Variants in CTNNA3 observed in about 807,000 individuals in gnomAD.
CTNNA3 encodes catenin alpha-3.
In CTNNA3, 76 loss-of-function variants were observed where a neutral mutation model predicts 95.7. The observed-to-expected ratio is 0.79, with a 90% CI of 0.66 to 0.96. The LOEUF (loss-of-function observed/expected upper bound fraction) is 0.96. Ranked by LOEUF, CTNNA3 falls within the 40% of genes least tolerant of loss-of-function variation. CTNNA3 has a pLI of 0.00. For synonymous variants in CTNNA3, 431 were observed against 374.4 expected (o/e 1.15, Z -1.74); for missense variants, 1,191 against 1,089.8 (o/e 1.09, Z -1.31).
chr10:67,602,450 C>G (rs1192657964), intron 3 of CTNNA3, among the ~76,000 whole-genome samples: 1 of 152,180 alleles, frequency 6.6e-6, no homozygotes, highest in African/African-American at 2.4e-5. Flanking sequence ...GGCGGTAGCT[C>G]ATTTTGGCAG....
Position 66,001,206 on chromosome 10 carries a change from C to G in CTNNA3, c.2160-12409G>C, listed in dbSNP as rs551924491. 9.9e-5 allele frequency among the ~76,000 whole-genome samples: 15 copies of G among 152,132 alleles called. 1 individual carries two copies. In the South Asian group the frequency reaches 1.5e-3, roughly 15 times the overall value. ...TGAAATGGCCCCAGTAGCCTACAGT[C>G]CTGGGGTTTCTTTCTTGAGATATTA... On this transcript the variant is annotated intron_variant, in intron 15 of 17. Coordinates refer to ENST00000433211, the MANE Select transcript of CTNNA3 (RefSeq NM_013266.4).
chr10:67,031,733 T>C (rs1246499411), intron 7 of CTNNA3, among the ~76,000 whole-genome samples: 1 of 152,164 alleles, frequency 6.6e-6, no homozygotes, highest in African/African-American at 2.4e-5. Context: ...TCAAAGATAA[T>C]GTAATTCTTG....
At chr10:66,792,928 T>G (rs977631297) in intron 7 of CTNNA3, among the ~76,000 whole-genome samples, 20 of 152,260 alleles carry the variant, frequency 1.3e-4, no homozygotes, top group African/African-American at 4.6e-4. Flanking sequence ...GGCTTTTTAT[T>G]GGCCAGTAAA....
intron 12 of CTNNA3, among the ~76,000 whole-genome samples, chr10:66,296,461 A>G (rs1192509989): frequency 6.6e-6 from 1 of 152,118 alleles, no homozygotes; most frequent in Non-Finnish European, 1.5e-5. Flanking sequence ...TCTCTTTAAA[A>G]TGGTCATCAT....
chr10:66,675,227 T>C (rs1846808948), intron 9 of CTNNA3, among the ~76,000 whole-genome samples: 1 of 151,886 alleles, frequency 6.6e-6, no homozygotes, highest in Non-Finnish European at 1.5e-5. Flanking sequence ...ACCCGATCCA[T>C]CTGCTGCTGC....
chr10:66,192,826 T>C (rs1241801983), intron 13 of CTNNA3, among the ~76,000 whole-genome samples: 1 of 152,180 alleles, frequency 6.6e-6, no homozygotes, highest in African/African-American at 2.4e-5. Context: ...TTAAGTTCTA[T>C]TTACTTAAAA....
chr10:66,459,811 T>A (rs1441260854), intron 11 of CTNNA3, among the ~76,000 whole-genome samples: 2 of 152,188 alleles, frequency 1.3e-5, no homozygotes, highest in African/African-American at 2.4e-5. Flanking sequence ...AGTTTTATAA[T>A]CTTATGGGAT....
Position 67,534,972 on chromosome 10 carries a change from TA to T in CTNNA3, c.459+4530del, listed in dbSNP as rs1414147678. On this transcript the variant is annotated intron_variant, in intron 4 of 17. Coordinates refer to ENST00000433211, the MANE Select transcript of CTNNA3 (RefSeq NM_013266.4). Reference sequence around the variant, plus strand: ...ATAATTAAGTGGATTATAAGTAATTTAAAAAATGAAGGTCAGAACAAAGGAG... The same window carrying T: ...ATAATTAAGTGGATTATAAGTAATTTAAAAATGAAGGTCAGAACAAAGGAG... Among the ~76,000 whole-genome samples, 3 of 152,194 alleles carry T rather than the reference TA, an allele frequency of 2.0e-5. No individual in the cohort carries two copies. The East Asian group carries it at 5.8e-4, about 29-fold the overall frequency.
chr10:65,987,566 T>G (rs2133322279), intron 16 of CTNNA3, among the ~76,000 whole-genome samples: 1 of 152,246 alleles, frequency 6.6e-6, no homozygotes, highest in Admixed American at 6.5e-5. Flanking sequence ...ACTCATACCC[T>G]GTTGGTAGGA....
intron 13 of CTNNA3, among the ~76,000 whole-genome samples, chr10:66,280,160 T>G (rs1198012312): frequency 6.6e-6 from 1 of 152,078 alleles, no homozygotes; most frequent in Non-Finnish European, 1.5e-5. Context: ...AATTACTTTA[T>G]GTATTTTTCT....
chr10:67,462,716 G>A (rs1246360852), intron 5 of CTNNA3, among the ~76,000 whole-genome samples: 9 of 152,154 alleles, frequency 5.9e-5, no homozygotes, highest in Non-Finnish European at 1.3e-4. Context: ...GTGGTGATCT[G>A]AGAAGGTGAG....
At chr10:66,331,507 C>G (rs955988740) in intron 12 of CTNNA3, among the ~76,000 whole-genome samples, 1 of 151,410 alleles carries the variant, frequency 6.6e-6, no homozygotes, top group Non-Finnish European at 1.5e-5. Flanking sequence ...GCGCGCACCA[C>G]CATGCCCGGC....
At chr10:66,259,680 C>T (rs1419258781) in intron 13 of CTNNA3, among the ~76,000 whole-genome samples, 1 of 152,162 alleles carries the variant, frequency 6.6e-6, no homozygotes, top group African/African-American at 2.4e-5. Context: ...CTCATCTCCT[C>T]CTGTGGCTAT....
intron 5 of CTNNA3, among the ~76,000 whole-genome samples, chr10:67,342,099 C>CTTTTTTTTTTTTTTTTTTT (rs764381058): frequency 6.0e-5 from 5 of 83,684 alleles, no homozygotes; most frequent in South Asian, 4.8e-4. Flanking sequence ...TATTTTTCTT[C>CTTTTTTTTTTTTTTTTTTT]TTTTTTTTTT....
intron 12 of CTNNA3, among the ~76,000 whole-genome samples, chr10:66,359,168 T>C (rs1351701632): frequency 1.3e-5 from 2 of 152,154 alleles, no homozygotes; most frequent in Non-Finnish European, 2.9e-5. Flanking sequence ...GGGGATAGCA[T>C]TGCATCCAGA....
intron 1 of CTNNA3, among the ~76,000 whole-genome samples, chr10:67,703,999 C>A (rs1841061387): frequency 6.6e-6 from 1 of 152,038 alleles, no homozygotes; most frequent in African/African-American, 2.4e-5. Flanking sequence ...AACAGAGAGC[C>A]AAATCATGAG....
At chr10:67,731,131 C>A (rs2133632073) in intron 1 of CTNNA3, among the ~76,000 whole-genome samples, 1 of 152,022 alleles carries the variant, frequency 6.6e-6, no homozygotes, top group East Asian at 1.9e-4. Flanking sequence ...AAGTAAATAC[C>A]AGAATAAGCA....
Position 67,650,925 on chromosome 10 carries a change from T to G in CTNNA3, c.-5-3407A>C, listed in dbSNP as rs550077429. Among the ~76,000 whole-genome samples the G allele has an allele frequency of 3.4e-3, 515 of 152,190 alleles. 3 individuals carry two copies. The highest frequency in any genetic ancestry group is 6.8e-3 in the Middle Eastern group (2 of 294). Reference sequence around the variant, plus strand: ...TAAACAGAAAACATTTGGCACCTACTTCTCCTCCCTACAGTAACACATAAC... The same window carrying G: ...TAAACAGAAAACATTTGGCACCTACGTCTCCTCCCTACAGTAACACATAAC... On this transcript the variant is annotated intron_variant, in intron 1 of 17. Coordinates refer to ENST00000433211, the MANE Select transcript of CTNNA3 (RefSeq NM_013266.4).
intron 13 of CTNNA3, among the ~76,000 whole-genome samples, chr10:66,141,427 G>A (rs1191524765): frequency 2.0e-5 from 3 of 151,982 alleles, no homozygotes; most frequent in Non-Finnish European, 4.4e-5. Flanking sequence ...AAAAAGCAAA[G>A]AGATGACTCC....
Sources: allele counts gnomAD v4.1 joint callset (sites outside exome capture counted in the v4.1 genomes callset), GRCh38; gene constraint gnomAD v4.1.1; transcripts MANE v1.5; gene names NCBI Gene and HGNC (gene_info 2026-07-23, HGNC 2026-07-21).